The following ZNF277 variants were observed in gnomAD, a reference collection of about 807,000 sequenced individuals.
ZNF277 encodes the protein zinc finger protein 277.
In ZNF277, 55 loss-of-function variants were observed where a neutral mutation model predicts 60.7. The ratio of observed to expected loss-of-function variants is 0.91; its 90% CI spans 0.73 to 1.13. The LOEUF is 1.13. Ranked by LOEUF, ZNF277 falls within the 50% of genes most tolerant of loss-of-function variation. The probability of loss-of-function intolerance (pLI) is 0.00; values close to 1 mark genes in which losing one functional copy is unlikely to be tolerated. For missense variants in ZNF277, 510 were observed against 523.0 expected (o/e 0.98, Z 0.24); for synonymous variants, 178 against 179.3 (o/e 0.99, Z 0.06).
chr7:112,296,380 G>GTTTT (rs11295465), intron 4 of ZNF277, 69 bp downstream of exon 4: 3 of 547,560 alleles, frequency 5.5e-6, no homozygotes, highest in African/African-American at 2.1e-5. Flanking sequence ...AATCATATTG[G>GTTTT]TTTTTTTTTT....
At chr7:112,272,368 A>G (rs1791690551) in intron 1 of ZNF277, among the ~76,000 whole-genome samples, 1 of 147,892 alleles carries the variant, frequency 6.8e-6, no homozygotes, top group African/African-American at 2.6e-5. Flanking sequence ...ACTATTTTGA[A>G]CAGTGCTGCA....
At chr7:112,328,845 G>A (rs1426043315) in intron 6 of ZNF277, among the ~76,000 whole-genome samples, 4 of 151,906 alleles carry the variant, frequency 2.6e-5, no homozygotes, top group Non-Finnish European at 4.4e-5. Context: ...ACTCCAGCCT[G>A]GGCAACAAGA....
At chr7:112,214,948 C>G (rs751208917) in intron 1 of ZNF277, among the ~76,000 whole-genome samples, 4 of 151,868 alleles carry the variant, frequency 2.6e-5, no homozygotes, top group Non-Finnish European at 5.9e-5. Flanking sequence ...CTCTGAGCCT[C>G]AGTTTCATCA....
At chr7:112,282,967 A>G (rs1326956421) in intron 1 of ZNF277, among the ~76,000 whole-genome samples, 1 of 152,234 alleles carries the variant, frequency 6.6e-6, no homozygotes, top group Non-Finnish European at 1.5e-5. Flanking sequence ...GAAGTTAACA[A>G]TGCCTGGCAC....
chr7:112,227,915 A>G (rs1353915850), intron 1 of ZNF277, among the ~76,000 whole-genome samples: 1 of 152,098 alleles, frequency 6.6e-6, no homozygotes, highest in South Asian at 2.1e-4. Context: ...TCAGCTGTGT[A>G]TACTGTGTTT....
At chr7:112,216,774 T>A (rs1821895881) in intron 1 of ZNF277, among the ~76,000 whole-genome samples, 1 of 152,178 alleles carries the variant, frequency 6.6e-6, no homozygotes, top group Non-Finnish European at 1.5e-5. Context: ...AGTCCTAGCA[T>A]CTGTAAAAAG....
chr7:112,278,559 C>T (rs535106445), intron 1 of ZNF277, among the ~76,000 whole-genome samples: 1 of 152,244 alleles, frequency 6.6e-6, no homozygotes, highest in African/African-American at 2.4e-5. Context: ...CTTTGTTTAA[C>T]ACTTAGAACA....
Position 112,244,406 on chromosome 7 carries a change from A to C in ZNF277, c.91+37599A>C, listed in dbSNP as rs1045807774. On this transcript the variant is annotated intron_variant, in intron 1 of 11. Transcript: ENST00000361822. ...TTTACTCGTATTTCTGATAGTAAGC[A>C]GTTCTCCCTTCTAGGTTCTCTGCTT... Among the ~76,000 whole-genome samples, 8 of 152,290 alleles carry C rather than the reference A, an allele frequency of 5.3e-5. No individual in the cohort carries two copies. In the East Asian group the frequency reaches 1.4e-3, roughly 26 times the overall value.
intron 4 of ZNF277, among the ~76,000 whole-genome samples, chr7:112,301,057 G>A (rs1792460166): frequency 6.6e-6 from 1 of 151,856 alleles, no homozygotes; most frequent in African/African-American, 2.4e-5. Flanking sequence ...CTGATTATCT[G>A]TTAATATTAA....
chr7:112,233,826 A>G lies in ZNF277; in HGVS notation c.91+27019A>G, dbSNP rs371612818. Among the ~76,000 whole-genome samples the G allele has an allele frequency of 7.2e-4, 109 of 152,222 alleles. 1 individual carries two copies. In the South Asian group the frequency reaches 0.018, roughly 26 times the overall value. ...ATTGAGAACAACTTGTTATTAATAC[A>G]CCTTTTCTAGTTGTATTCTTTTCAA... On this transcript the variant is annotated intron_variant, in intron 1 of 11. Transcript: ENST00000361822.
intron 1 of ZNF277, among the ~76,000 whole-genome samples, chr7:112,234,057 G>GA (rs1461916743): frequency 6.6e-6 from 1 of 151,830 alleles, no homozygotes; most frequent in Non-Finnish European, 1.5e-5. Context: ...AAATCTGCCT[G>GA]CTGATTAAAA....
At chr7:112,308,801 T>G (rs1792657112) in intron 4 of ZNF277, among the ~76,000 whole-genome samples, 1 of 152,058 alleles carries the variant, frequency 6.6e-6, no homozygotes, top group Non-Finnish European at 1.5e-5. Context: ...ACAAATGTAT[T>G]TAGTATGTTT....
intron 4 of ZNF277, among the ~76,000 whole-genome samples, chr7:112,296,910 T>TTTTTTTTG (rs1792358352): frequency 1.5e-5 from 1 of 65,282 alleles, no homozygotes; most frequent in Non-Finnish European, 2.5e-5. Context: ...ATTTATTTAT[T>TTTTTTTTG]TATTTTTTTT....
chr7:112,245,551 A>G lies in ZNF277; in HGVS notation c.91+38744A>G, dbSNP rs573561950. Among the ~76,000 whole-genome samples, 12 of 152,292 alleles carry G rather than the reference A, an allele frequency of 7.9e-5. No homozygotes were observed. The South Asian group carries it at 2.5e-3, about 32-fold the overall frequency. On this transcript the variant is annotated intron_variant, in intron 1 of 11. Transcript: ENST00000361822. ...TAGCCTCACAATTCTGGAGGCTGGT[A>G]GTCTGAGATCAAGGTGTCAGCAGGA...
At chr7:112,231,945 G>T (rs1822343024) in intron 1 of ZNF277, among the ~76,000 whole-genome samples, 1 of 151,140 alleles carries the variant, frequency 6.6e-6, no homozygotes, top group South Asian at 2.1e-4. Context: ...ACTTCATGAG[G>T]AAAGAAGTAT....
At chr7:112,325,341 A>G (rs895206371) in intron 5 of ZNF277, among the ~76,000 whole-genome samples, 7 of 152,114 alleles carry the variant, frequency 4.6e-5, no homozygotes, top group African/African-American at 1.7e-4. Context: ...TAACCCCACC[A>G]ACCCTCTTCC....
chr7:112,253,228 A>C (rs956559388), intron 1 of ZNF277, among the ~76,000 whole-genome samples: 2 of 152,176 alleles, frequency 1.3e-5, no homozygotes, highest in Non-Finnish European at 2.9e-5. Flanking sequence ...TAAATATAAT[A>C]ATTTAAGAAT....
At chr7:112,332,217 G>T (rs185540696) in intron 7 of ZNF277, among the ~76,000 whole-genome samples, 28 of 152,318 alleles carry the variant, frequency 1.8e-4, no homozygotes, top group Non-Finnish European at 2.9e-5. Flanking sequence ...CATATTGATA[G>T]AAGTCTTTTT....
intron 1 of ZNF277, among the ~76,000 whole-genome samples, chr7:112,269,459 T>G (rs1791621408): frequency 6.6e-6 from 1 of 152,132 alleles, no homozygotes; most frequent in African/African-American, 2.4e-5. Context: ...AAACACTATT[T>G]TATTATTGTT....
Sources: gnomAD v4.1 joint callset for allele counts (sites outside exome capture counted in the v4.1 genomes callset) on GRCh38, gnomAD v4.1.1 for gene constraint, MANE v1.5 for transcripts, NCBI Gene and HGNC (gene_info 2026-07-23, HGNC 2026-07-21) for gene names.